Variants in MGP observed in about 807,000 individuals in gnomAD.
MGP encodes matrix Gla protein.
Under a neutral mutation model 14.5 loss-of-function variants are expected in MGP, and 13 were observed. The ratio of observed to expected loss-of-function variants is 0.89; its 90% CI spans 0.58 to 1.42. The LOEUF is 1.42. Ranked by LOEUF, MGP falls within the 40% of genes most tolerant of loss-of-function variation. The pLI is 0.00. For synonymous variants in MGP, 44 were observed against 46.3 expected (o/e 0.95, Z 0.20); for missense variants, 128 against 133.7 (o/e 0.96, Z 0.21).
chr12:14,881,495 T>A lies in MGP; in HGVS notation c.*644A>T, dbSNP rs970749672. ...TATTGATATAGTTAAGTGTATAAACTATTATTGACAGTTTTTGCCAATTGC... is the reference window on the plus strand; with the variant it reads ...TATTGATATAGTTAAGTGTATAAACAATTATTGACAGTTTTTGCCAATTGC... On this transcript the variant is annotated 3_prime_UTR_variant, in exon 4 of 4. Coordinates refer to ENST00000539261, the MANE Select transcript of MGP (RefSeq NM_000900.5). 8 of 153,464 alleles carry A rather than the reference T, an allele frequency of 5.2e-5. No homozygotes were observed. Among genetic ancestry groups the A allele is most frequent in the African/African-American group, 1.7e-4 (7 of 41,472 alleles). 9.5% of individuals were successfully genotyped at this position (153,464 alleles called of 1,614,324 possible).
At chr12:14,882,387 A>G (rs1378614654) in intron 3 of MGP, 107 bp from the exon 4 acceptor site, 7 of 1,321,572 alleles carry the variant, frequency 5.3e-6, no homozygotes, top group Non-Finnish European at 6.5e-6. Context: ...ATGCCCCCCT[A>G]TATTAAGAGA....
chr12:14,882,301 C>A, intron 3 of MGP, 21 bp from the exon 4 acceptor site: 1 of 1,613,322 alleles, frequency 6.2e-7, no homozygotes, highest in Non-Finnish European at 8.5e-7. Flanking sequence ...GAAGAAGAGG[C>A]CAAAATTGAG....
At chr12:14,885,572 G>A (rs1032681170) in intron 1 of MGP, 159 bp downstream of exon 1, 12 of 700,076 alleles carry the variant, frequency 1.7e-5, no homozygotes, top group Non-Finnish European at 3.1e-5. Context: ...TAATAGAACA[G>A]ATCAGTTTCT....
chr12:14,885,759 G>A lies in MGP; in HGVS notation c.33C>T (p.Ala11=), dbSNP rs142282008. Residue 11 remains alanine (A), a synonymous_variant, in exon 1 of 4, where the codon GCC becomes GCT. Coordinates refer to ENST00000539261, the MANE Select transcript of MGP (RefSeq NM_000900.5). MKSLILLAIL[A]ALAVVTLCYE... ...AACACAAAGTTACTACCGCTAAGGC[G>A]GCCAGGATGGCAAGAAGGATCAGGC... 1.9e-5 allele frequency: 31 copies of A among 1,613,684 alleles called. No individual in the cohort carries two copies. The highest frequency in any genetic ancestry group is 5.0e-5 in the Admixed American group (3 of 59,988).
rs145159570 is a variant in MGP at position 14,885,715 on chromosome 12, G to C, written c.61+16C>G. On this transcript the variant is annotated intron_variant, in intron 1 of 3. Coordinates refer to ENST00000539261, the MANE Select transcript of MGP (RefSeq NM_000900.5). ...CAGAAAAGTAAACACAGAGAAATGG[G>C]AGAAAAGTTTCTCACCATAACACAA... 3.7e-4 allele frequency: 596 copies of C among 1,608,998 alleles called. 4 individuals are homozygous for C. The East Asian group carries it at 0.013, about 34-fold the overall frequency.
chr12:14,885,580 T>G (rs1383382114), intron 1 of MGP, 151 bp downstream of exon 1: 3 of 713,622 alleles, frequency 4.2e-6, no homozygotes, highest in Non-Finnish European at 5.1e-6. Flanking sequence ...CAGATCAGTT[T>G]CTGCGGAGAC....
At position 14,885,813 on chromosome 12, in the gene MGP, C is replaced by T. The variant is rs1338229531; in HGVS notation, c.-22G>A. 3.1e-6 allele frequency: 5 copies of T among 1,611,828 alleles called. No individual in the cohort carries two copies. Among genetic ancestry groups the T allele is most frequent in the Non-Finnish European group, 4.2e-6 (5 of 1,178,210 alleles). On this transcript the variant is annotated 5_prime_UTR_variant, in exon 1 of 4. Transcript: ENST00000539261. Reference sequence around the variant, plus strand: ...TCATGGTTTCGTCCTGCAGGTCAGTCTCAGGGTCTTGTGTAGCAGCAGTAG... The same window carrying T: ...TCATGGTTTCGTCCTGCAGGTCAGTTTCAGGGTCTTGTGTAGCAGCAGTAG...
intron 1 of MGP, among the ~76,000 whole-genome samples, chr12:14,885,217 G>A (rs978450710): frequency 1.3e-5 from 2 of 152,152 alleles, no homozygotes; most frequent in Non-Finnish European, 2.9e-5. Flanking sequence ...CAGGAGTTAT[G>A]AAAATGATTC....
chr12:14,884,969 G>A (rs1055999486), intron 1 of MGP: 27 of 1,272,608 alleles, frequency 2.1e-5, no homozygotes, highest in African/African-American at 3.0e-5. Flanking sequence ...AACTTAAAAA[G>A]GAGGTGAAGA....
At chr12:14,882,903 C>T in intron 3 of MGP, 69 bp downstream of exon 3, 1 of 993,296 alleles carries the variant, frequency 1.0e-6, no homozygotes, top group Non-Finnish European at 1.6e-6. Context: ...AAGCTGTTTC[C>T]CACTCCAATT....
At chr12:14,882,687 A>AT (rs1192275329) in intron 3 of MGP, among the ~76,000 whole-genome samples, 1 of 150,486 alleles carries the variant, frequency 6.6e-6, no homozygotes, top group Non-Finnish European at 1.5e-5. Context: ...CAAAAAAAAA[A>AT]CCAGGGAGGG....
chr12:14,883,107 G>C, intron 2 of MGP, 60 bp from the exon 3 acceptor site: 1 of 1,271,858 alleles, frequency 7.9e-7, no homozygotes, highest in South Asian at 1.2e-5. Context: ...ATATTTCCGT[G>C]AATATTCCTT....
intron 3 of MGP, 77 bp from the exon 4 acceptor site, chr12:14,882,357 A>G (rs1245138387): frequency 3.3e-6 from 5 of 1,528,294 alleles, no homozygotes; most frequent in East Asian, 2.3e-5. Context: ...AGAAGAAAAT[A>G]TTGGAGAGAC....
chr12:14,885,676 G>T, intron 1 of MGP, 55 bp downstream of exon 1: 1 of 1,420,504 alleles, frequency 7.0e-7, no homozygotes. Flanking sequence ...ATAGAAGTAA[G>T]CCAAAGTCAG....
rs1327273530 is a variant in MGP at position 14,882,241 on chromosome 12, C to T, written c.210G>A (p.Arg70=). The change falls in exon 4 of 4, where the codon AGG becomes AGA. Residue 70 remains arginine (R), a synonymous_variant. Coordinates refer to ENST00000539261, the MANE Select transcript of MGP (RefSeq NM_000900.5). ...ERSKPVHELN[R]EACDDYRLCE... The stretch of plus-strand genomic sequence containing the variant: ...AAAGTCTGTAGTCATCACAGGCTTC[C>T]CTATTGAGCTCGTGGACAGGCTTAG... 3 of 1,613,902 alleles carry T rather than the reference C, an allele frequency of 1.9e-6. No individual in the cohort carries two copies. Among genetic ancestry groups the T allele is most frequent in the South Asian group, 2.2e-5 (2 of 91,088 alleles).
At chr12:14,885,585 G>A (rs913439406) in intron 1 of MGP, 146 bp downstream of exon 1, 34 of 718,372 alleles carry the variant, frequency 4.7e-5, no homozygotes, top group South Asian at 9.0e-5. Flanking sequence ...CAGTTTCTGC[G>A]GAGACTGGGA....
chr12:14,883,102 T>C, intron 2 of MGP, 55 bp from the exon 3 acceptor site: 1 of 1,296,094 alleles, frequency 7.7e-7, no homozygotes, highest in Non-Finnish European at 1.1e-6. Context: ...TGGAAATATT[T>C]CCGTGAATAT....
At chr12:14,884,843 C>A (rs1486626171) in intron 1 of MGP, 1 of 1,534,854 alleles carries the variant, frequency 6.5e-7, no homozygotes, top group Non-Finnish European at 8.7e-7. Context: ...AGAGAGAGAA[C>A]TGAAACGATA....
chr12:14,882,992 C>G lies in MGP; in HGVS notation c.150G>C (p.Trp50Cys), dbSNP rs747975801. Residue 50 changes from tryptophan to cysteine, a missense_variant, in exon 3 of 4, where the codon TGG becomes TGC. By Grantham distance (215) the Trp-to-Cys change is radical (BLOSUM62 -2). Coordinates refer to ENST00000539261, the MANE Select transcript of MGP (RefSeq NM_000900.5). ...CTGACCTCTCTTGGACTTTAGCTCT[C>G]CATCTCTGCTGAGGGGATATGAAGG... The part of the protein sequence containing the change: ...ANTFISPQQR[W>C]RAKVQERIRE... 3.1e-6 allele frequency: 5 copies of G among 1,612,590 alleles called. No homozygotes were observed. The highest frequency in any genetic ancestry group is 4.2e-6 in the Non-Finnish European group (5 of 1,178,722).
Sources: allele counts gnomAD v4.1 joint callset (sites outside exome capture counted in the v4.1 genomes callset), GRCh38; gene constraint gnomAD v4.1.1; transcripts MANE v1.5; gene names NCBI Gene and HGNC (gene_info 2026-07-23, HGNC 2026-07-21).